AGBL4: variants seen among roughly 807,000 people sequenced by gnomAD.
The protein encoded by AGBL4 is cytosolic carboxypeptidase 6.
A neutral mutation model predicts 66.4 loss-of-function variants in AGBL4; 58 were observed. That is an observed-to-expected ratio of 0.87 (90% confidence interval 0.71 to 1.09). The LOEUF is 1.09. Among genes scored for constraint, AGBL4 ranks in the 50% least tolerant of loss-of-function variants. The pLI is 0.00. For synonymous variants in AGBL4, 234 were observed against 222.9 expected, an observed-to-expected ratio of 1.05 and a Z score of -0.44; for missense variants, 579 against 631.0, an observed-to-expected ratio of 0.92 and a Z score of 0.88.
intron 3 of AGBL4, among the ~76,000 whole-genome samples, chr1:49,443,902 T>C (rs918192487): frequency 4.0e-5 from 6 of 151,864 alleles, no homozygotes; most frequent in African/African-American, 1.4e-4. Context: ...GGCACTTAAT[T>C]ACTATAAACT....
intron 3 of AGBL4, among the ~76,000 whole-genome samples, chr1:49,543,634 C>T (rs1652243422): frequency 6.6e-6 from 1 of 152,044 alleles, no homozygotes; most frequent in African/African-American, 2.4e-5. Context: ...TCTTGTAAAG[C>T]CAGGACAGAA....
At chr1:48,645,055 A>C (rs932485471) in intron 8 of AGBL4, among the ~76,000 whole-genome samples, 8 of 152,186 alleles carry the variant, frequency 5.3e-5, no homozygotes, top group Admixed American at 2.6e-4. Context: ...GACAGAGATG[A>C]GGAGCTGCCT....
At chr1:49,837,607 G>A (rs1443066749) in intron 2 of AGBL4, among the ~76,000 whole-genome samples, 1 of 152,168 alleles carries the variant, frequency 6.6e-6, no homozygotes, top group African/African-American at 2.4e-5. Context: ...AGCACTTTGG[G>A]AGGCCAAGGC....
intron 9 of AGBL4, among the ~76,000 whole-genome samples, chr1:48,602,723 G>T (rs912929042): frequency 6.7e-6 from 1 of 149,820 alleles, no homozygotes; most frequent in Non-Finnish European, 1.5e-5. Flanking sequence ...AGCTGGAAGA[G>T]CGAAAACAGG....
At chr1:49,754,279 A>T (rs960543348) in intron 2 of AGBL4, among the ~76,000 whole-genome samples, 39 of 135,760 alleles carry the variant, frequency 2.9e-4, no homozygotes, top group South Asian at 4.6e-4. Context: ...TTTTTTTTTT[A>T]TTTTTTTATT....
chr1:48,722,288 A>G (rs1360282480), intron 6 of AGBL4, among the ~76,000 whole-genome samples: 2 of 152,226 alleles, frequency 1.3e-5, no homozygotes, highest in Non-Finnish European at 2.9e-5. Flanking sequence ...TATTTCATTT[A>G]AGAAATATAC....
At chr1:49,885,643 A>G (rs1647951472) in intron 1 of AGBL4, among the ~76,000 whole-genome samples, 1 of 152,064 alleles carries the variant, frequency 6.6e-6, no homozygotes, top group Admixed American at 6.6e-5. Flanking sequence ...TTGAAGATCT[A>G]TTTTTGCACC....
intron 5 of AGBL4, among the ~76,000 whole-genome samples, chr1:48,950,866 C>T (rs1362377284): frequency 6.6e-6 from 1 of 152,128 alleles, no homozygotes; most frequent in African/African-American, 2.4e-5. Flanking sequence ...CTTATTTAAA[C>T]CTACTTCTAC....
intron 11 of AGBL4, among the ~76,000 whole-genome samples, chr1:48,572,985 G>A (rs1644593073): frequency 6.6e-6 from 1 of 152,186 alleles, no homozygotes; most frequent in East Asian, 1.9e-4. Context: ...CCTTCTGATG[G>A]AGCTAGGTTC....
At chr1:48,942,193 G>C (rs1318116991) in intron 5 of AGBL4, among the ~76,000 whole-genome samples, 1 of 152,018 alleles carries the variant, frequency 6.6e-6, no homozygotes, top group Non-Finnish European at 1.5e-5. Flanking sequence ...TTTGATGCAA[G>C]AAAAGAGATA....
chr1:49,930,528 T>C (rs1169743063), intron 1 of AGBL4, among the ~76,000 whole-genome samples: 1 of 152,032 alleles, frequency 6.6e-6, no homozygotes, highest in African/African-American at 2.4e-5. Flanking sequence ...GCAAAAATTC[T>C]AAATAAACTT....
chr1:49,369,057 C>A (rs1392324785), intron 3 of AGBL4, among the ~76,000 whole-genome samples: 7 of 152,040 alleles, frequency 4.6e-5, no homozygotes, highest in African/African-American at 1.7e-4. Flanking sequence ...GTACTCCAGC[C>A]TGGGCAACAG....
chr1:48,574,688 T>TC (rs1644622492), intron 11 of AGBL4, among the ~76,000 whole-genome samples: 1 of 151,942 alleles, frequency 6.6e-6, no homozygotes, highest in South Asian at 2.1e-4. Context: ...CAGCCACAAC[T>TC]CCCACCTCCT....
At chr1:48,765,983 G>A (rs183977943) in intron 6 of AGBL4, among the ~76,000 whole-genome samples, 41 of 152,090 alleles carry the variant, frequency 2.7e-4, no homozygotes, top group East Asian at 5.8e-4. Context: ...AAAACGTTCC[G>A]GAATTAAGTA....
chr1:49,977,267 C>T lies in AGBL4; in HGVS notation c.34+46496G>A, dbSNP rs1006261494. ...ACCTCCCTTCTTCCAGAGGCTTCAC[C>T]TCCCATCTTTCATGAGCTTCACCTC... On this transcript the variant is annotated intron_variant, in intron 1 of 13. Transcript: ENST00000371839. Among the ~76,000 whole-genome samples, 5 of 151,844 alleles carry T rather than the reference C, an allele frequency of 3.3e-5. No homozygotes were observed. The East Asian group carries it at 9.7e-4, about 29-fold the overall frequency.
chr1:49,105,968 C>A (rs1557644897), intron 4 of AGBL4, among the ~76,000 whole-genome samples: 1 of 152,116 alleles, frequency 6.6e-6, no homozygotes, highest in Non-Finnish European at 1.5e-5. Flanking sequence ...AACATAAAAA[C>A]CCCTTTAAAA....
Position 49,755,972 on chromosome 1 carries a change from A to G in AGBL4, c.158-58535T>C, listed in dbSNP as rs185153341. On this transcript the variant is annotated intron_variant, in intron 2 of 13. Coordinates refer to ENST00000371839, the MANE Select transcript of AGBL4 (RefSeq NM_032785.4). ...CTTTATTTCTAGCTTTGTCTCCCAC[A>G]ATACATTCAATATTTCCCCATGTTC... 1.2e-3 allele frequency among the ~76,000 whole-genome samples: 189 copies of G among 152,252 alleles called. 2 individuals are homozygous for G. Among genetic ancestry groups the G allele is most frequent in the African/African-American group, 4.4e-3 (183 of 41,548 alleles).
chr1:49,378,875 G>A (rs1334538460), intron 3 of AGBL4, among the ~76,000 whole-genome samples: 3 of 152,046 alleles, frequency 2.0e-5, no homozygotes, highest in East Asian at 3.9e-4. Flanking sequence ...GGAGTAGCCC[G>A]AAGTATGTGT....
intron 5 of AGBL4, among the ~76,000 whole-genome samples, chr1:49,004,654 G>T (rs1661641974): frequency 6.6e-6 from 1 of 152,180 alleles, no homozygotes; most frequent in Non-Finnish European, 1.5e-5. Context: ...GGCATAAAAT[G>T]CTGGATTAAA....
Sources: gnomAD v4.1 joint callset for allele counts (sites outside exome capture counted in the v4.1 genomes callset) on GRCh38, gnomAD v4.1.1 for gene constraint, MANE v1.5 for transcripts, NCBI Gene and HGNC (gene_info 2026-07-23, HGNC 2026-07-21) for gene names.